The following SLC25A48 variants were observed in gnomAD, a reference collection of about 807,000 sequenced individuals.
The protein encoded by SLC25A48 is solute carrier family 25 member 48, also known as CTC-321K16.1.
A neutral mutation model predicts 32.2 loss-of-function variants in SLC25A48; 29 were observed. The ratio of observed to expected loss-of-function variants is 0.90; its 90% CI spans 0.67 to 1.23. The LOEUF (loss-of-function observed/expected upper bound fraction) is 1.23, where lower values mean the gene tolerates loss of function less well. SLC25A48 is among the 50% of genes most tolerant of loss of function. The pLI, the probability that SLC25A48 is intolerant of heterozygous loss-of-function variation, is 0.00. For synonymous variants in SLC25A48, 164 were observed against 172.3 expected, an observed-to-expected ratio of 0.95 and a Z score of 0.38; for missense variants, 399 against 422.7, an observed-to-expected ratio of 0.94 and a Z score of 0.49.
chr5:135,631,292 CT>C (rs1752563757), intron 2 of SLC25A48, among the ~76,000 whole-genome samples: 1 of 152,206 alleles, frequency 6.6e-6, no homozygotes, highest in Admixed American at 6.5e-5. Context: ...TTGATTGGCT[CT>C]GCATTCCTCA....
chr5:135,655,741 A>G (rs1753230657), intron 3 of SLC25A48, among the ~76,000 whole-genome samples: 6 of 152,238 alleles, frequency 3.9e-5, no homozygotes, highest in Admixed American at 3.9e-4. Flanking sequence ...CCTGAGCACT[A>G]CAAGCTTTCA....
chr5:135,632,176 T>A (rs1752590876), intron 2 of SLC25A48, among the ~76,000 whole-genome samples: 1 of 152,202 alleles, frequency 6.6e-6, no homozygotes, highest in Non-Finnish European at 1.5e-5. Context: ...TCATAGAAGA[T>A]TCTGTCTTCT....
intron 2 of SLC25A48, among the ~76,000 whole-genome samples, chr5:135,630,837 A>C (rs1431368042): frequency 6.6e-6 from 1 of 152,004 alleles, no homozygotes; most frequent in African/African-American, 2.4e-5. Context: ...TGTGACCTCA[A>C]GTGATCTGCC....
chr5:135,670,396 C>T lies in SLC25A48; in HGVS notation c.-521+35440C>T, dbSNP rs545921897. Reference sequence around the variant, plus strand: ...TGCAGGCTAGAGGCCTCCCAGATCTCGTTCTAGGGCTCCCTGCTGTAGTCT... The same window carrying T: ...TGCAGGCTAGAGGCCTCCCAGATCTTGTTCTAGGGCTCCCTGCTGTAGTCT... On this transcript the variant is annotated intron_variant, in intron 3 of 10. Transcript: ENST00000646290. 1.6e-3 allele frequency among the ~76,000 whole-genome samples: 240 copies of T among 152,256 alleles called. 1 individual carries two copies. Among genetic ancestry groups the T allele is most frequent in the African/African-American group, 5.4e-3 (225 of 41,544 alleles).
chr5:135,683,912 T>G lies in SLC25A48; in HGVS notation c.-521+48956T>G, dbSNP rs1253366187. Among the ~76,000 whole-genome samples the G allele has an allele frequency of 2.0e-5, 3 of 152,066 alleles. No homozygotes were observed. In the East Asian group the frequency reaches 5.8e-4, roughly 29 times the overall value. ...ACAAGAAGTAGCATTCTCCCTGCAG[T>G]GTCAGCAGGCCATGTGGTAAACATG... On this transcript the variant is annotated intron_variant, in intron 3 of 10. Transcript: ENST00000646290.
Position 135,807,044 on chromosome 5 carries a change from C to T in SLC25A48, c.-520-5479C>T, listed in dbSNP as rs75744098. Among the ~76,000 whole-genome samples the T allele has an allele frequency of 2.7e-3, 406 of 150,370 alleles. 3 individuals carry two copies. Among genetic ancestry groups the T allele is most frequent in the East Asian group, 0.013 (66 of 4,944 alleles). On this transcript the variant is annotated intron_variant, in intron 3 of 10. Transcript: ENST00000646290. ...TTGTTAGTATCATAATGTGTTAACA[C>T]TAGATATTATAAATATCAAATATTT...
intron 3 of SLC25A48, among the ~76,000 whole-genome samples, chr5:135,742,812 A>G (rs985776607): frequency 3.3e-5 from 5 of 152,062 alleles, no homozygotes; most frequent in African/African-American, 1.2e-4. Context: ...GTCTCCCCCA[A>G]CTAGAACATA....
chr5:135,779,794 T>C (rs1427042273), intron 3 of SLC25A48, among the ~76,000 whole-genome samples: 1 of 116,944 alleles, frequency 8.6e-6, no homozygotes, highest in African/African-American at 2.6e-5. Flanking sequence ...GGGGAGAGGA[T>C]AATATTGATC....
At chr5:135,866,317 T>G (rs1042906780) in intron 4 of SLC25A48, among the ~76,000 whole-genome samples, 1 of 152,246 alleles carries the variant, frequency 6.6e-6, no homozygotes, top group African/African-American at 2.4e-5. Flanking sequence ...CCATTGTGTT[T>G]CTGCTGGCCT....
chr5:135,859,681 G>A (rs563149287), intron 4 of SLC25A48, among the ~76,000 whole-genome samples: 1 of 152,168 alleles, frequency 6.6e-6, no homozygotes, highest in Non-Finnish European at 1.5e-5. Flanking sequence ...TGATTGGTTG[G>A]CATGCAATCA....
intron 3 of SLC25A48, among the ~76,000 whole-genome samples, chr5:135,664,826 G>A (rs1753484255): frequency 1.3e-5 from 2 of 152,112 alleles, no homozygotes; most frequent in African/African-American, 2.4e-5. Context: ...CTCATTGGTC[G>A]ATGGGTGCTT....
intron 3 of SLC25A48, among the ~76,000 whole-genome samples, chr5:135,711,067 GCCAAGTTCCCATTTGAGGGAAATGC>G (rs986883226): frequency 2.6e-5 from 4 of 152,168 alleles, no homozygotes; most frequent in East Asian, 1.9e-4. Context: ...CACAAAAATG[GCCAAGTTCCCATTTGAGGGAAATGC>G]CCAAGTTCCC....
At chr5:135,661,818 T>C (rs1753403615) in intron 3 of SLC25A48, among the ~76,000 whole-genome samples, 1 of 152,220 alleles carries the variant, frequency 6.6e-6, no homozygotes, top group South Asian at 2.1e-4. Flanking sequence ...CCTGGGGATC[T>C]GCCTCATTAC....
rs4388206 is a variant in SLC25A48, at chr5:135,620,686, C to T, written c.-848-8551C>T. On this transcript the variant is annotated intron_variant, in intron 1 of 10. Coordinates refer to the SLC25A48 transcript ENST00000646290. Reference sequence around the variant, plus strand: ...CTCTCACCTCAGCCCAGTGGCAGGACAGGACACAGTCTAGTGGGAGCTAGG... The same window carrying T: ...CTCTCACCTCAGCCCAGTGGCAGGATAGGACACAGTCTAGTGGGAGCTAGG... 3.9e-3 allele frequency among the ~76,000 whole-genome samples: 594 copies of T among 152,194 alleles called. 7 individuals are homozygous for T. Among genetic ancestry groups the T allele is most frequent in the African/African-American group, 0.014 (566 of 41,502 alleles).
chr5:135,739,321 G>T (rs1236459420), intron 3 of SLC25A48, among the ~76,000 whole-genome samples: 1 of 152,150 alleles, frequency 6.6e-6, no homozygotes, highest in Non-Finnish European at 1.5e-5. Flanking sequence ...GTCTCACTTT[G>T]TACCCCAGGC....
intron 4 of SLC25A48, among the ~76,000 whole-genome samples, chr5:135,815,495 G>A (rs6865794): frequency 0.03 from 4,521 of 152,230 alleles, 207 homozygotes; most frequent in African/African-American, 0.1. Flanking sequence ...TGCTATAAAG[G>A]CACCAAAAGC....
intron 3 of SLC25A48, among the ~76,000 whole-genome samples, chr5:135,779,122 A>G (rs914932431): frequency 6.6e-6 from 1 of 151,794 alleles, no homozygotes; most frequent in African/African-American, 2.4e-5. Flanking sequence ...TATTAATCCC[A>G]ACATTGCTGG....
chr5:135,764,262 G>C (rs1025506053), intron 3 of SLC25A48, among the ~76,000 whole-genome samples: 12 of 151,854 alleles, frequency 7.9e-5, no homozygotes, highest in African/African-American at 2.9e-4. Flanking sequence ...GATTTAACAT[G>C]GTTCGTATTA....
At position 135,767,295 on chromosome 5, in the gene SLC25A48, A is replaced by G. The variant is rs536795800; in HGVS notation, c.-520-45228A>G. 9.3e-5 allele frequency among the ~76,000 whole-genome samples: 14 copies of G among 151,306 alleles called. No individual in the cohort carries two copies. In the South Asian group the frequency reaches 2.8e-3, roughly 30 times the overall value. On this transcript the variant is annotated intron_variant, in intron 3 of 10. Transcript: ENST00000646290. ...TTCGTAATGTCCAGAAGGCGAGAGG[A>G]TGATATTACTTTCCATATCGTGGAA...
Sources: gnomAD v4.1 joint callset for allele counts (sites outside exome capture counted in the v4.1 genomes callset) on GRCh38, gnomAD v4.1.1 for gene constraint, MANE v1.5 for transcripts, NCBI Gene and HGNC (gene_info 2026-07-23, HGNC 2026-07-21) for gene names.